Variants in ATAD2B observed in about 807,000 individuals in gnomAD.
ATAD2B encodes ATPase family AAA domain containing 2B, also known as ATPase family AAA domain-containing protein 2B.
Under a neutral mutation model 167.6 loss-of-function variants are expected in ATAD2B, and 40 were observed. That is an observed-to-expected ratio of 0.24 (90% confidence interval 0.19 to 0.31). The LOEUF (loss-of-function observed/expected upper bound fraction) is 0.31, where lower values mean the gene tolerates loss of function less well. ATAD2B is among the 10% of genes least tolerant of loss of function. ATAD2B has a pLI of 1.00. For synonymous variants in ATAD2B, 579 were observed against 596.5 expected, an observed-to-expected ratio of 0.97 and a Z score of 0.43; for missense variants, 1,242 against 1,757.2, an observed-to-expected ratio of 0.71 and a Z score of 5.24.
intron 17 of ATAD2B, among the ~76,000 whole-genome samples, chr2:23,817,972 T>C (rs1323349994): frequency 1.3e-5 from 2 of 152,158 alleles, no homozygotes; most frequent in South Asian, 2.1e-4. Context: ...TATTCCTTTA[T>C]TGACGACAAT....
chr2:23,817,990 T>C (rs1686705588), intron 17 of ATAD2B, among the ~76,000 whole-genome samples: 1 of 152,060 alleles, frequency 6.6e-6, no homozygotes, highest in Non-Finnish European at 1.5e-5. Flanking sequence ...AATTATCTTA[T>C]AAAATTAAAC....
At chr2:23,770,505 A>G (rs1241056101) in intron 22 of ATAD2B, among the ~76,000 whole-genome samples, 1 of 152,200 alleles carries the variant, frequency 6.6e-6, no homozygotes. Flanking sequence ...GTTCTTGTAT[A>G]CAGGTATGTG....
the ATAD2B span, among the ~76,000 whole-genome samples, chr2:23,688,299 T>C: frequency 1.3e-5 from 2 of 152,182 alleles, no homozygotes; most frequent in Admixed American, 6.5e-5. Flanking sequence ...AGTCCTCTCT[T>C]CTGAGCAGAG....
chr2:23,887,617 A>G (rs1405456993), intron 4 of ATAD2B, among the ~76,000 whole-genome samples: 1 of 152,206 alleles, frequency 6.6e-6, no homozygotes, highest in Non-Finnish European at 1.5e-5. Flanking sequence ...ACGGATAGTC[A>G]GCTCACTGAC....
In ATAD2B at chr2:23,869,646, T is replaced by C. The variant is rs1481240147; in HGVS notation, c.1076+17A>G. 1.3e-6 allele frequency: 2 copies of C among 1,513,274 alleles called. No homozygotes were observed. The highest frequency in any genetic ancestry group is 9.0e-7 in the Non-Finnish European group (1 of 1,111,532). 93.7% of individuals were successfully genotyped at this position (1,513,274 alleles called of 1,614,324 possible). On this transcript the variant is annotated intron_variant, in intron 9 of 27. Transcript: ENST00000238789. ...CCTTTTTTCTACCATGGAAATAACA[T>C]TACAAATTTTACTAACCTATTTCTT...
chr2:23,895,556 T>C (rs1042842313), intron 2 of ATAD2B, among the ~76,000 whole-genome samples: 2 of 152,162 alleles, frequency 1.3e-5, no homozygotes, highest in Non-Finnish European at 2.9e-5. Context: ...TTTTCAGGAC[T>C]ATAAACACAT....
intron 17 of ATAD2B, among the ~76,000 whole-genome samples, chr2:23,813,529 G>A (rs1323023318): frequency 1.3e-5 from 2 of 150,890 alleles, no homozygotes; most frequent in Admixed American, 1.3e-4. Flanking sequence ...GAGCCCAAGT[G>A]TTCTGAGACA....
rs1424139407 is a variant in ATAD2B, at chr2:23,762,361, T to C, written c.3257-15A>G. 2 of 1,608,262 alleles carry C rather than the reference T, an allele frequency of 1.2e-6. No homozygotes were observed. Among genetic ancestry groups the C allele is most frequent in the African/African-American group, 1.3e-5 (1 of 74,664 alleles). On this transcript the variant is annotated splice_polypyrimidine_tract_variant and intron_variant, in intron 23 of 27. Coordinates refer to ENST00000238789, the MANE Select transcript of ATAD2B (RefSeq NM_017552.4). ...TACTGATAAGCCTGCAAGCAGAAGA[T>C]AAGCAATACCTCTTTAAATATTCCC...
rs200056888 is a variant in ATAD2B at position 23,801,506 on chromosome 2, GA to G, written c.2455-3184del. 1.9e-3 allele frequency among the ~76,000 whole-genome samples: 261 copies of G among 139,554 alleles called. 3 individuals carry two copies. In the East Asian group the frequency reaches 0.034, roughly 18 times the overall value. The allele number at this position is 139,554 out of a possible 152,430, so 91.6% of individuals were successfully genotyped here. A position where few individuals can be genotyped will look rare whatever the true frequency, so the allele number is the denominator to read the frequency against. ...AGTAGAAAACAGAAAAACTGTTATAGAAAAAAAAAAAGACAGTAGGCCAAAT... is the reference window on the plus strand; with the variant it reads ...AGTAGAAAACAGAAAAACTGTTATAGAAAAAAAAAAGACAGTAGGCCAAAT... On this transcript the variant is annotated intron_variant, in intron 18 of 27. Coordinates refer to ENST00000238789, the MANE Select transcript of ATAD2B (RefSeq NM_017552.4).
At chr2:23,861,753 T>A (rs1457295342) in intron 12 of ATAD2B, among the ~76,000 whole-genome samples, 1 of 152,160 alleles carries the variant, frequency 6.6e-6, no homozygotes, top group Non-Finnish European at 1.5e-5. Context: ...CATCTATAAA[T>A]GTTTATATTT....
At chr2:23,880,556 C>A (rs369863980) in intron 7 of ATAD2B, 83 bp downstream of exon 7, 7 of 765,468 alleles carry the variant, frequency 9.1e-6, no homozygotes, top group African/African-American at 9.1e-5. Flanking sequence ...GAGCGAGACT[C>A]TGTCTCAAAA....
intron 13 of ATAD2B, among the ~76,000 whole-genome samples, chr2:23,850,677 G>A (rs995960134): frequency 6.6e-6 from 1 of 152,104 alleles, no homozygotes; most frequent in African/African-American, 2.4e-5. Flanking sequence ...GAAGAGAAGG[G>A]GGGATGAATG....
At chr2:23,907,097 A>G (rs1701617087) in intron 1 of ATAD2B, among the ~76,000 whole-genome samples, 1 of 151,344 alleles carries the variant, frequency 6.6e-6, no homozygotes, top group Non-Finnish European at 1.5e-5. Flanking sequence ...TATTCAACAT[A>G]GTGTTGGAAG....
At chr2:23,808,014 ATTAT>A (rs1366395570) in intron 18 of ATAD2B, among the ~76,000 whole-genome samples, 45 of 103,444 alleles carry the variant, frequency 4.4e-4, no homozygotes, top group Middle Eastern at 4.5e-3. Context: ...ATTTATATAT[ATTAT>A]TTATTTATTA....
chr2:23,767,377 C>T (rs1169836470), intron 22 of ATAD2B, among the ~76,000 whole-genome samples: 4 of 152,134 alleles, frequency 2.6e-5, no homozygotes, highest in Admixed American at 6.5e-5. Context: ...AAACCCTTCC[C>T]CTCCCTTGTC....
the ATAD2B span, among the ~76,000 whole-genome samples, chr2:23,710,459 C>A: frequency 2.6e-5 from 4 of 152,154 alleles, no homozygotes; most frequent in Non-Finnish European, 5.9e-5. Flanking sequence ...CCGTGAACCC[C>A]GTGAGCAGTG....
At chr2:23,861,149 C>CTTT (rs34830213) in intron 12 of ATAD2B, among the ~76,000 whole-genome samples, 142 of 136,338 alleles carry the variant, frequency 1.0e-3, no homozygotes, top group African/African-American at 3.6e-3. Flanking sequence ...TGTTTTTTTC[C>CTTT]TTTTTTTTTT....
intron 1 of ATAD2B, among the ~76,000 whole-genome samples, chr2:23,920,380 T>C (rs973232678): frequency 2.0e-5 from 3 of 152,254 alleles, no homozygotes; most frequent in African/African-American, 7.2e-5. Context: ...ACTTCTCATA[T>C]GCATACCATG....
chr2:23,808,355 C>T (rs1234275533), intron 18 of ATAD2B, among the ~76,000 whole-genome samples: 1 of 150,924 alleles, frequency 6.6e-6, no homozygotes, highest in African/African-American at 2.4e-5. Context: ...AGAGAGCATT[C>T]CTGGTGGGAG....
Sources: allele counts gnomAD v4.1 joint callset (sites outside exome capture counted in the v4.1 genomes callset), GRCh38; gene constraint gnomAD v4.1.1; transcripts MANE v1.5; gene names NCBI Gene and HGNC (gene_info 2026-07-23, HGNC 2026-07-21).